CWC27: variants seen among roughly 807,000 people sequenced by gnomAD.
CWC27 encodes spliceosome-associated protein CWC27 homolog.
A neutral mutation model predicts 63.6 loss-of-function variants in CWC27; 47 were observed. That is an observed-to-expected ratio of 0.74 (90% CI 0.58 to 0.94). The LOEUF (loss-of-function observed/expected upper bound fraction) is 0.94, where lower values mean the gene tolerates loss of function less well. CWC27 is among the 40% of genes least tolerant of loss of function. The pLI is 0.00. For missense variants in CWC27, 495 were observed against 554.3 expected, an observed-to-expected ratio of 0.89 and a Z score of 1.07; for synonymous variants, 175 against 179.8, an observed-to-expected ratio of 0.97 and a Z score of 0.22.
At chr5:64,891,254 A>G (rs983165470) in intron 11 of CWC27, among the ~76,000 whole-genome samples, 1 of 152,154 alleles carries the variant, frequency 6.6e-6, no homozygotes, top group African/African-American at 2.4e-5. Context: ...ATTAAAGATA[A>G]AGTTCTCTTA....
At chr5:64,884,643 G>T (rs1747022624) in intron 10 of CWC27, among the ~76,000 whole-genome samples, 1 of 152,056 alleles carries the variant, frequency 6.6e-6, no homozygotes, top group South Asian at 2.1e-4. Flanking sequence ...AAATACCGTG[G>T]GTACTTGACT....
At chr5:64,845,301 A>G (rs1745947011) in intron 10 of CWC27, among the ~76,000 whole-genome samples, 1 of 152,242 alleles carries the variant, frequency 6.6e-6, no homozygotes, top group Non-Finnish European at 1.5e-5. Context: ...TCAAATGCAT[A>G]GACAATAACA....
intron 11 of CWC27, among the ~76,000 whole-genome samples, chr5:64,895,320 GAA>G (rs75134965): frequency 5.6e-5 from 8 of 143,578 alleles, no homozygotes; most frequent in African/African-American, 1.8e-4. Flanking sequence ...CAACCTAACA[GAA>G]AAAAAAAAAG....
chr5:64,840,319 G>T (rs1309245033), intron 10 of CWC27, among the ~76,000 whole-genome samples: 1 of 132,414 alleles, frequency 7.6e-6, no homozygotes, highest in East Asian at 2.3e-4. Context: ...CAGAAAAGAG[G>T]GTTGATTGTT....
At chr5:64,920,943 C>A (rs1381538781) in intron 11 of CWC27, among the ~76,000 whole-genome samples, 1 of 151,488 alleles carries the variant, frequency 6.6e-6, no homozygotes, top group East Asian at 1.9e-4. Context: ...GATTTTTGCA[C>A]CTTGATTTTA....
At chr5:64,886,599 T>C (rs1011432424) in intron 11 of CWC27, among the ~76,000 whole-genome samples, 17 of 152,140 alleles carry the variant, frequency 1.1e-4, no homozygotes, top group Admixed American at 3.3e-4. Flanking sequence ...CCATAGGTAT[T>C]ATTATTGTTT....
intron 11 of CWC27, among the ~76,000 whole-genome samples, chr5:64,944,845 T>C (rs1192180731): frequency 6.6e-6 from 1 of 152,136 alleles, no homozygotes; most frequent in Non-Finnish European, 1.5e-5. Flanking sequence ...CCCTTAAAAA[T>C]ATGGCAGATC....
chr5:65,001,725 T>C (rs1749735102), intron 13 of CWC27, among the ~76,000 whole-genome samples: 1 of 152,112 alleles, frequency 6.6e-6, no homozygotes, highest in South Asian at 2.1e-4. Context: ...GCTTTGCTAG[T>C]ATTTTGTTAT....
At chr5:64,849,310 GAAATT>G (rs1746071491) in intron 10 of CWC27, among the ~76,000 whole-genome samples, 2 of 151,388 alleles carry the variant, frequency 1.3e-5, no homozygotes, top group Admixed American at 1.3e-4. Context: ...ACTGTAAAAA[GAAATT>G]AAAGAAGACA....
intron 11 of CWC27, among the ~76,000 whole-genome samples, chr5:64,941,656 G>C (rs1437620328): frequency 6.6e-6 from 1 of 152,004 alleles, no homozygotes; most frequent in Non-Finnish European, 1.5e-5. Context: ...GAACATATGT[G>C]TATAGAAGTA....
chr5:64,813,309 A>T (rs976668272), intron 10 of CWC27, among the ~76,000 whole-genome samples: 2 of 152,158 alleles, frequency 1.3e-5, no homozygotes, highest in African/African-American at 4.8e-5. Flanking sequence ...CACTTGAAAT[A>T]AAAATACCAC....
intron 13 of CWC27, among the ~76,000 whole-genome samples, chr5:64,997,904 A>G (rs1007011906): frequency 3.4e-4 from 51 of 152,154 alleles, no homozygotes; most frequent in African/African-American, 1.2e-3. Context: ...AAATGAAGCA[A>G]GAAGGAATAT....
rs751813292 is a variant in CWC27 at position 64,971,726 on chromosome 5, G to C, written c.1066G>C (p.Ala356Pro). ...SEEEEAPPDG[A>P]VAEYRREKQK... Reference sequence around the variant, plus strand: ...AGAGGAAGAAGCCCCTCCAGATGGTGCTGTTGCCGAATACAGAAGAGAAAA... The same window carrying C: ...AGAGGAAGAAGCCCCTCCAGATGGTCCTGTTGCCGAATACAGAAGAGAAAA... The change falls in exon 12 of 14, where the codon GCT (alanine) becomes CCT (proline). Residue 356 changes from alanine (A) to proline (P), a missense_variant. Ala to Pro is a conservative substitution (Grantham distance 27, BLOSUM62 -1). Around this residue, in one of 3 missense-constraint regions of CWC27, gnomAD observed 463 missense variants for 498.1 expected, o/e 0.93. Coordinates refer to ENST00000381070, the MANE Select transcript of CWC27 (RefSeq NM_005869.4). 49 of 1,609,090 alleles carry C rather than the reference G, an allele frequency of 3.0e-5. No homozygotes were observed. The highest frequency in any genetic ancestry group is 4.0e-5 in the Non-Finnish European group (47 of 1,178,162).
intron 10 of CWC27, chr5:64,808,162 C>T: frequency 2.9e-6 from 3 of 1,019,052 alleles, no homozygotes; most frequent in Non-Finnish European, 3.5e-6. Flanking sequence ...CAGGCCCTGT[C>T]CTACACATTT....
chr5:64,892,250 A>T (rs1396865841), intron 11 of CWC27, among the ~76,000 whole-genome samples: 1 of 152,198 alleles, frequency 6.6e-6, no homozygotes, highest in African/African-American at 2.4e-5. Flanking sequence ...TATTTTTAGT[A>T]ACTGCAATTT....
At chr5:64,852,431 A>C (rs1434869875) in intron 10 of CWC27, among the ~76,000 whole-genome samples, 1 of 152,138 alleles carries the variant, frequency 6.6e-6, no homozygotes, top group Non-Finnish European at 1.5e-5. Context: ...GGAGGGACAA[A>C]AGAGCCAAAC....
intron 13 of CWC27, among the ~76,000 whole-genome samples, chr5:65,015,503 CGCT>C (rs1443935973): frequency 1.3e-5 from 2 of 152,148 alleles, no homozygotes; most frequent in East Asian, 3.9e-4. Flanking sequence ...GCACTTGGAA[CGCT>C]GCTGCTAAGC....
intron 10 of CWC27, among the ~76,000 whole-genome samples, chr5:64,880,601 C>G (rs1047839338): frequency 6.6e-6 from 1 of 151,726 alleles, no homozygotes; most frequent in Non-Finnish European, 1.5e-5. Flanking sequence ...TTAGTAATTT[C>G]TTTGCCAATA....
chr5:64,897,446 G>T (rs1266137196), intron 11 of CWC27, among the ~76,000 whole-genome samples: 1 of 152,190 alleles, frequency 6.6e-6, no homozygotes, highest in Non-Finnish European at 1.5e-5. Context: ...GGACATGGAT[G>T]AAGCTGGAAA....
Sources: gnomAD v4.1 joint callset for allele counts (sites outside exome capture counted in the v4.1 genomes callset) on GRCh38, gnomAD v4.1.1 for gene constraint, gnomAD v4.1.1 regional missense constraint, MANE v1.5 for transcripts, NCBI Gene and HGNC (gene_info 2026-07-23, HGNC 2026-07-21) for gene names.